PLXNA2: variants seen among roughly 807,000 people sequenced by gnomAD.
PLXNA2 encodes plexin A2, also known as plexin-A2.
A neutral mutation model predicts 193.5 loss-of-function variants in PLXNA2; 91 were observed. The observed-to-expected ratio is 0.47, with a 90% CI of 0.40 to 0.56. The LOEUF (loss-of-function observed/expected upper bound fraction) is 0.56. Ranked by LOEUF, PLXNA2 falls within the 20% of genes least tolerant of loss-of-function variation. PLXNA2 has a pLI of 0.00. For missense variants in PLXNA2, 1,995 were observed against 2,503.2 expected, an observed-to-expected ratio of 0.80 and a Z score of 4.33; for synonymous variants, 997 against 1,027.3, an observed-to-expected ratio of 0.97 and a Z score of 0.56.
intron 3 of PLXNA2, among the ~76,000 whole-genome samples, chr1:208,149,289 T>C (rs1296313490): frequency 6.6e-6 from 1 of 151,880 alleles, no homozygotes; most frequent in Non-Finnish European, 1.5e-5. Context: ...ATGTGTGATA[T>C]GTATGTGTGT....
intron 4 of PLXNA2, among the ~76,000 whole-genome samples, chr1:208,121,299 G>A (rs1165983905): frequency 6.6e-6 from 1 of 152,160 alleles, no homozygotes. Flanking sequence ...ATACACCAGG[G>A]AAGGTCAGAT....
At chr1:208,159,154 C>T (rs1669027862) in intron 3 of PLXNA2, among the ~76,000 whole-genome samples, 1 of 152,178 alleles carries the variant, frequency 6.6e-6, no homozygotes. Flanking sequence ...GGGGAAACCC[C>T]TTCCCTAGAG....
chr1:208,072,145 C>G (rs899750788), intron 12 of PLXNA2, among the ~76,000 whole-genome samples: 1 of 152,206 alleles, frequency 6.6e-6, no homozygotes, highest in East Asian at 1.9e-4. Flanking sequence ...GATTTTCTTT[C>G]TCAGTTACAC....
Position 208,092,064 on chromosome 1 carries a change from G to T in PLXNA2, c.2097+722C>A, listed in dbSNP as rs911028463. On this transcript the variant is annotated intron_variant, in intron 9 of 31. Transcript: ENST00000367033. ...TATGAAAAGCTTTCGACACAAGAAA[G>T]GGAGACTGAGCAAGCAGGCTTCACT... Among the ~76,000 whole-genome samples, 3 of 152,302 alleles carry T rather than the reference G, an allele frequency of 2.0e-5. No homozygotes were observed. The South Asian group carries it at 6.2e-4, about 32-fold the overall frequency.
rs1664993606 is a variant in PLXNA2, at chr1:208,044,689, G to C, written c.3693C>G (p.Asp1231Glu). The change falls in exon 20 of 32, where the codon GAC (aspartate) becomes GAG (glutamate). Residue 1231 changes from aspartate to glutamate, a missense_variant. Asp to Glu is a conservative substitution (Grantham distance 45, BLOSUM62 2). This residue lies in a region of PLXNA2 where 1,291 missense variants were observed against 1,673.6 expected (regional missense o/e 0.77). Coordinates refer to ENST00000367033, the MANE Select transcript of PLXNA2 (RefSeq NM_025179.4). The surrounding 1 kb of genome is among the most constrained non-coding windows in gnomAD (Gnocchi z 4.9). The stretch of plus-strand genomic sequence containing the variant: ...CGATGGCTGGCAGGGTCAGCAAGCT[G>C]TCTGAGATGACACTCACCGAGCCAG... ...FSPGSVSVIS[D>E]SLLTLPAIVS... The C allele has an allele frequency of 1.9e-6, 3 of 1,614,120 alleles. No individual in the cohort carries two copies. Among genetic ancestry groups the C allele is most frequent in the Non-Finnish European group, 2.5e-6 (3 of 1,180,034 alleles).
chr1:208,240,376 GC>G (rs1672008540), intron 1 of PLXNA2, among the ~76,000 whole-genome samples: 1 of 152,212 alleles, frequency 6.6e-6, no homozygotes, highest in Non-Finnish European at 1.5e-5. Flanking sequence ...GGGAAGAACT[GC>G]CTTTCTCTCT....
chr1:208,222,611 C>T (rs554529155), intron 1 of PLXNA2, among the ~76,000 whole-genome samples: 42 of 152,130 alleles, frequency 2.8e-4, no homozygotes, highest in Non-Finnish European at 5.0e-4. Flanking sequence ...TCAGCTGCTG[C>T]GGGCGTCAGT....
At chr1:208,079,011 C>T (rs921192862) in intron 12 of PLXNA2, among the ~76,000 whole-genome samples, 4 of 152,216 alleles carry the variant, frequency 2.6e-5, no homozygotes, top group Non-Finnish European at 4.4e-5. Context: ...CCTCCCTTGT[C>T]GTGTGCACGT....
intron 4 of PLXNA2, among the ~76,000 whole-genome samples, chr1:208,126,483 G>A (rs1207981599): frequency 6.6e-6 from 1 of 152,178 alleles, no homozygotes; most frequent in African/African-American, 2.4e-5. Context: ...TTTTTAAAAA[G>A]ATGTTCAATT....
intron 12 of PLXNA2, among the ~76,000 whole-genome samples, chr1:208,066,819 T>C (rs1425992667): frequency 1.3e-5 from 2 of 152,208 alleles, no homozygotes; most frequent in Admixed American, 1.3e-4. Flanking sequence ...GACAGTGATA[T>C]GGATGATCCT....
At chr1:208,199,454 G>A (rs1168149582) in intron 3 of PLXNA2, among the ~76,000 whole-genome samples, 7 of 152,116 alleles carry the variant, frequency 4.6e-5, no homozygotes, top group Non-Finnish European at 7.4e-5. Flanking sequence ...GCACTTTGGG[G>A]GGCCAAGGTG....
At position 208,082,461 on chromosome 1, in the gene PLXNA2, A is replaced by G. The variant is rs757154127; in HGVS notation, c.2346T>C (p.Ala782=). ...MDISNLAVDF[A]VVWNGNFIID... ...TGATGAAATTGCCGTTCCACACCAC[A>G]GCGAAATCCACGGCCAGATTGCTGA... Residue 782 remains alanine, a synonymous_variant, in exon 11 of 32, where the codon GCT becomes GCC. Transcript: ENST00000367033. This position sits in a 1 kb window ranked among gnomAD's most constrained non-coding sequence, Gnocchi z 4.2. 1.2e-6 allele frequency: 2 copies of G among 1,614,088 alleles called. No homozygotes were observed. The highest frequency in any genetic ancestry group is 2.2e-5 in the South Asian group (2 of 91,076).
chr1:208,038,813 C>T lies in PLXNA2; in HGVS notation c.4660+12G>A, dbSNP rs1223756899. 2 of 1,612,314 alleles carry T rather than the reference C, an allele frequency of 1.2e-6. No homozygotes were observed. The highest frequency in any genetic ancestry group is 1.1e-5 in the South Asian group (1 of 90,800). Reference sequence around the variant, plus strand: ...AACCCCTGCCCTCACACTCTGAGTCCAGGTTTCCTACCCAAGTCCATGTCC... The same window carrying T: ...AACCCCTGCCCTCACACTCTGAGTCTAGGTTTCCTACCCAAGTCCATGTCC... On this transcript the variant is annotated intron_variant, in intron 25 of 31. Transcript: ENST00000367033. The surrounding 1 kb of genome is among the most constrained non-coding windows in gnomAD (Gnocchi z 4.1).
rs544175032 is a variant in PLXNA2, at chr1:208,107,855, T to C, written c.1507-4608A>G. Among the ~76,000 whole-genome samples, 99 of 152,230 alleles carry C rather than the reference T, an allele frequency of 6.5e-4. 1 individual carries two copies. The highest frequency in any genetic ancestry group is 6.2e-4 in the Non-Finnish European group (42 of 67,988). On this transcript the variant is annotated intron_variant, in intron 4 of 31. Transcript: ENST00000367033. ...TGGGAGGCCCTTCTCCTGCCCCCTA[T>C]GGCCTTCTCCCCAGGACCCGCAGTG...
Position 208,029,013 on chromosome 1 carries a change from A to G in PLXNA2, c.5255T>C (p.Ile1752Thr). ...GTCAAACACGAACTGGGGGTTCTTAATCACGTTCACCCAGAAGCGCAGAGG... is the reference window on the plus strand; with the variant it reads ...GTCAAACACGAACTGGGGGTTCTTAGTCACGTTCACCCAGAAGCGCAGAGG... ...CLPLRFWVNV[I>T]KNPQFVFDIH... The change falls in exon 30 of 32, where the codon ATT (isoleucine) becomes ACT (threonine). Residue 1752 changes from isoleucine (I) to threonine (T), a missense_variant. This residue lies in a region of PLXNA2 where 1,291 missense variants were observed against 1,673.6 expected (regional missense o/e 0.77). Transcript: ENST00000367033. 1.1e-5 allele frequency: 18 copies of G among 1,614,140 alleles called. No homozygotes were observed. Among genetic ancestry groups the G allele is most frequent in the Non-Finnish European group, 1.4e-5 (17 of 1,180,028 alleles).
At chr1:208,216,478 GC>G (rs1671132242) in intron 2 of PLXNA2, among the ~76,000 whole-genome samples, 1 of 152,238 alleles carries the variant, frequency 6.6e-6, no homozygotes, top group South Asian at 2.1e-4. Flanking sequence ...GAAGCCTGCA[GC>G]ATTTACAATA....
At chr1:208,234,181 G>GGAGGGCA (rs1671779466) in intron 1 of PLXNA2, among the ~76,000 whole-genome samples, 5 of 152,098 alleles carry the variant, frequency 3.3e-5, no homozygotes, top group Non-Finnish European at 7.4e-5. Context: ...GGAGGGCAGT[G>GGAGGGCA]AATGGCAGCT....
chr1:208,038,561 C>T lies in PLXNA2; in HGVS notation c.4661-87G>A, dbSNP rs1285787564. On this transcript the variant is annotated intron_variant, in intron 25 of 31. Transcript: ENST00000367033. The surrounding 1 kb of genome is among the most constrained non-coding windows in gnomAD (Gnocchi z 4.1). ...TCCCGATTGCACCTTCTCTAGGGAC[C>T]TGGCAACCCGGCCCCCTCAAGCTGG... 3.7e-6 allele frequency: 4 copies of T among 1,086,280 alleles called. No individual in the cohort carries two copies. The highest frequency in any genetic ancestry group is 1.4e-6 in the Non-Finnish European group (1 of 706,492). 67.3% of individuals were successfully genotyped at this position (1,086,280 alleles called of 1,614,324 possible).
At chr1:208,104,706 C>T (rs1296952393) in intron 4 of PLXNA2, among the ~76,000 whole-genome samples, 1 of 152,100 alleles carries the variant, frequency 6.6e-6, no homozygotes, top group East Asian at 1.9e-4. Flanking sequence ...CCTTTCCTCT[C>T]TTGGGTGTCC....
Sources: allele counts gnomAD v4.1 joint callset (sites outside exome capture counted in the v4.1 genomes callset), GRCh38; gene constraint gnomAD v4.1.1; regional missense constraint gnomAD v4.1.1; non-coding constraint Gnocchi (gnomAD v3.1); transcripts MANE v1.5; gene names NCBI Gene and HGNC (gene_info 2026-07-23, HGNC 2026-07-21).